PNPLA3: variants seen among roughly 807,000 people sequenced by gnomAD.
PNPLA3 encodes the protein 1-acylglycerol-3-phosphate O-acyltransferase PNPLA3.
A neutral mutation model predicts 43.1 loss-of-function variants in PNPLA3; 42 were observed. That is an observed-to-expected ratio of 0.97 (90% confidence interval 0.76 to 1.26). The LOEUF is 1.26. PNPLA3 is among the 50% of genes most tolerant of loss of function. PNPLA3 has a pLI of 0.00. For missense variants in PNPLA3, 647 were observed against 621.4 expected (o/e 1.04, Z -0.44); for synonymous variants, 272 against 253.6 (o/e 1.07, Z -0.69).
chr22:43,942,773 G>A (rs1457724967), intron 7 of PNPLA3, among the ~76,000 whole-genome samples: 2 of 142,506 alleles, frequency 1.4e-5, no homozygotes, highest in East Asian at 4.3e-4. Flanking sequence ...CCTGATCATG[G>A]TACACTGCAG....
intron 6 of PNPLA3, among the ~76,000 whole-genome samples, chr22:43,939,082 C>T (rs920033594): frequency 4.6e-5 from 7 of 152,084 alleles, no homozygotes; most frequent in South Asian, 4.2e-4. Flanking sequence ...CACACCACCA[C>T]GCCTGGCTAA....
Position 43,924,189 on chromosome 22 carries a change from G to A in PNPLA3, c.187+91G>A, listed in dbSNP as rs957844002. The A allele has an allele frequency of 3.0e-6, 4 of 1,320,678 alleles. No homozygotes were observed. The East Asian group carries it at 1.2e-4, about 41-fold the overall frequency. 81.8% of individuals were successfully genotyped at this position (1,320,678 alleles called of 1,614,324 possible). ...GGATCCCCAGGGGTCGCGGGGCCCT[G>A]GAGGAGCGGGCATCGGACGCGGACA... is the stretch of plus-strand genomic sequence containing the variant. On this transcript the variant is annotated intron_variant, in intron 1 of 8. Transcript: ENST00000216180.
At chr22:43,933,426 G>A (rs116174227) in intron 4 of PNPLA3, among the ~76,000 whole-genome samples, 1,971 of 152,080 alleles carry the variant, frequency 0.013, 49 homozygotes, top group African/African-American at 0.045. Context: ...TTGCTCTGCC[G>A]CTTAGGCTGG....
At position 43,933,192 on chromosome 22, in the gene PNPLA3, AC is replaced by A. The variant is rs905363880; in HGVS notation, c.696+107del. 5.4e-6 allele frequency: 6 copies of A among 1,118,658 alleles called. No homozygotes were observed. The Admixed American group carries it at 1.1e-4, about 21-fold the overall frequency. 69.3% of individuals were successfully genotyped at this position (1,118,658 alleles called of 1,614,324 possible). On this transcript the variant is annotated intron_variant, in intron 4 of 8. Transcript: ENST00000216180. Reference sequence around the variant, plus strand: ...TGTCTGCACAATCAAACAGAAATAGACCTGTCCTTGATGGTTAACGGAAATA... The same window carrying A: ...TGTCTGCACAATCAAACAGAAATAGACTGTCCTTGATGGTTAACGGAAATA...
chr22:43,929,163 T>C (rs1260755760), intron 3 of PNPLA3, among the ~76,000 whole-genome samples: 1 of 152,190 alleles, frequency 6.6e-6, no homozygotes, highest in East Asian at 1.9e-4. Context: ...TCAGATAGCT[T>C]CTCAGTGATC....
chr22:43,927,507 A>G (rs2049932286), intron 2 of PNPLA3, among the ~76,000 whole-genome samples: 1 of 151,776 alleles, frequency 6.6e-6, no homozygotes, highest in African/African-American at 2.4e-5. Context: ...AAAAAAAAGA[A>G]AGACTGTTTT....
In PNPLA3 at chr22:43,923,827, G is replaced by C; in HGVS notation, c.-85G>C. On this transcript the variant is annotated 5_prime_UTR_variant, in exon 1 of 9. Transcript: ENST00000216180. Reference sequence around the variant, plus strand: ...GGTAGAGAGCGCTTGCGGGCGCCGGGCGGAGCTGCTGCGGATCAGGACCCG... The same window carrying C: ...GGTAGAGAGCGCTTGCGGGCGCCGGCCGGAGCTGCTGCGGATCAGGACCCG... 1 of 1,328,752 alleles carries C rather than the reference G, an allele frequency of 7.5e-7. No individual in the cohort carries two copies. Among genetic ancestry groups the C allele is most frequent in the South Asian group, 1.7e-5 (1 of 60,486 alleles). 82.3% of individuals were successfully genotyped at this position (1,328,752 alleles called of 1,614,324 possible).
Position 43,927,165 on chromosome 22 carries a change from G to T in PNPLA3, c.418G>T (p.Asp140Tyr). The T allele has an allele frequency of 6.2e-7, 1 of 1,613,648 alleles. No homozygotes were observed. The highest frequency in any genetic ancestry group is 8.5e-7 in the Non-Finnish European group (1 of 1,179,582). ...SDFRSKDEVV[D>Y]ALVCSCFIPF... ...CTTTCGGTCCAAAGACGAAGTCGTGGATGTAAGCAGTTTGCTTATCTGGAC... is the reference window on the plus strand; with the variant it reads ...CTTTCGGTCCAAAGACGAAGTCGTGTATGTAAGCAGTTTGCTTATCTGGAC... Residue 140 changes from aspartate to tyrosine, a missense_variant and splice_region_variant, in exon 2 of 9, where the codon GAT becomes TAT. Coordinates refer to ENST00000216180, the MANE Select transcript of PNPLA3 (RefSeq NM_025225.3).
chr22:43,944,606 G>C (rs1457122484), intron 7 of PNPLA3, 85 bp from the exon 8 acceptor site: 1 of 1,096,822 alleles, frequency 9.1e-7, no homozygotes, highest in African/African-American at 1.5e-5. Context: ...AGGTGATGTT[G>C]GCAGCTTTTG....
intron 1 of PNPLA3, among the ~76,000 whole-genome samples, chr22:43,926,463 G>T (rs370079494): frequency 1.4e-4 from 21 of 152,246 alleles, no homozygotes; most frequent in South Asian, 1.0e-3. Flanking sequence ...TCTATGTGGG[G>T]CATGGAGGTG....
At chr22:43,943,675 C>T (rs186424267) in intron 7 of PNPLA3, among the ~76,000 whole-genome samples, 2 of 152,344 alleles carry the variant, frequency 1.3e-5, no homozygotes, top group African/African-American at 2.4e-5. Flanking sequence ...CACTGGGAAA[C>T]ATAGGGTGGT....
intron 8 of PNPLA3, among the ~76,000 whole-genome samples, chr22:43,945,138 AGCGCTGGCGTG>A (rs2050054820): frequency 1.3e-5 from 2 of 152,218 alleles, no homozygotes; most frequent in African/African-American, 4.8e-5. Context: ...AGTGTCAGAT[AGCGCTGGCGTG>A]TCTGAGCGAA....
At position 43,946,753 on chromosome 22, in the gene PNPLA3, C is replaced by T. The variant is rs1235325843; in HGVS notation, c.*371C>T. On this transcript the variant is annotated 3_prime_UTR_variant, in exon 9 of 9. Transcript: ENST00000216180. ...GCCTTGTGATGGGGGGTAGGCTGGC[C>T]CATGTGTGATCTTGTGGGGTGGAGG... The T allele has an allele frequency of 1.9e-6, 1 of 530,110 alleles. No individual in the cohort carries two copies. Among genetic ancestry groups the T allele is most frequent in the East Asian group, 5.3e-5 (1 of 18,972 alleles). 32.8% of individuals were successfully genotyped at this position (530,110 alleles called of 1,614,324 possible).
chr22:43,942,145 A>AGTGCAAGTGGCAC (rs2050034862), intron 7 of PNPLA3, among the ~76,000 whole-genome samples: 1 of 152,152 alleles, frequency 6.6e-6, no homozygotes, highest in South Asian at 2.1e-4. Context: ...TGGTCTTGCC[A>AGTGCAAGTGGCAC]TTTGTCCCTG....
chr22:43,925,596 T>C (rs772694508), intron 1 of PNPLA3, among the ~76,000 whole-genome samples: 14 of 152,004 alleles, frequency 9.2e-5, no homozygotes, highest in Non-Finnish European at 1.8e-4. Context: ...GCCCTGCCAT[T>C]GGGTAGGAGC....
chr22:43,933,212 G>A (rs573487985), intron 4 of PNPLA3, 125 bp downstream of exon 4: 13 of 892,064 alleles, frequency 1.5e-5, no homozygotes, highest in African/African-American at 3.3e-5. Context: ...GATGGTTAAC[G>A]GAAATAAAAG....
rs1369001616 is a variant in PNPLA3 at position 43,932,937 on chromosome 22, C to A, written c.546C>A (p.Ile182=). The A allele has an allele frequency of 6.2e-7, 1 of 1,614,230 alleles. No homozygotes were observed. The highest frequency in any genetic ancestry group is 8.5e-7 in the Non-Finnish European group (1 of 1,180,038). The change falls in exon 4 of 9, where the codon ATC becomes ATA. Residue 182 remains isoleucine, a synonymous_variant. Transcript: ENST00000216180. ...CCTTCATTGATGCCAAAACAACCAT[C>A]ACCGTGTCCCCCTTCTATGGGGAGT... is the stretch of plus-strand genomic sequence containing the variant. ...NVPFIDAKTT[I]TVSPFYGEYD...
At chr22:43,943,333 AG>A (rs2050043231) in intron 7 of PNPLA3, among the ~76,000 whole-genome samples, 1 of 152,064 alleles carries the variant, frequency 6.6e-6, no homozygotes, top group Non-Finnish European at 1.5e-5. Flanking sequence ...CTTGGAGCTC[AG>A]GGAGAAAAGG....
Position 43,937,050 on chromosome 22 carries a change from G to T in PNPLA3, c.758-1G>T, listed in dbSNP as rs780251486. ...GGGCTTGTTTTCCGTGCCCTTCACA[G>T]GCATCTGCAACAGGCCCCAGCCAGG... is the stretch of plus-strand genomic sequence containing the variant. On this transcript the variant is annotated splice_acceptor_variant, in intron 5 of 8. Coordinates refer to ENST00000216180, the MANE Select transcript of PNPLA3 (RefSeq NM_025225.3). LOFTEE classifies it high-confidence loss of function. 6 of 1,612,788 alleles carry T rather than the reference G, an allele frequency of 3.7e-6. No homozygotes were observed. The highest frequency in any genetic ancestry group is 5.1e-6 in the Non-Finnish European group (6 of 1,179,656).
Sources: allele counts gnomAD v4.1 joint callset (sites outside exome capture counted in the v4.1 genomes callset), GRCh38; gene constraint gnomAD v4.1.1; transcripts MANE v1.5; gene names NCBI Gene and HGNC (gene_info 2026-07-23, HGNC 2026-07-21).